ANKRD11: variants seen among roughly 807,000 people sequenced by gnomAD.
ANKRD11 encodes the protein ankyrin repeat domain 11.
ANKRD11 carries 17 observed loss-of-function variants against 195.7 expected under a neutral mutation model. The ratio of observed to expected loss-of-function variants is 0.09; its 90% CI spans 0.06 to 0.13. The LOEUF is 0.13. Ranked by LOEUF, ANKRD11 falls within the 10% of genes least tolerant of loss-of-function variation. ANKRD11 has a pLI of 1.00. For synonymous variants in ANKRD11, 1,953 were observed against 1,528.1 expected (o/e 1.28, Z -6.49); for missense variants, 3,735 against 3,566.1 (o/e 1.05, Z -1.21).
intron 2 of ANKRD11, among the ~76,000 whole-genome samples, chr16:89,398,130 CACT>C (rs2041527730): frequency 6.6e-6 from 1 of 151,566 alleles, no homozygotes; most frequent in African/African-American, 2.4e-5. Flanking sequence ...ACAAGAGGGA[CACT>C]GTGAAACAGC....
chr16:89,288,240 G>A, intron 7 of ANKRD11: 1 of 621,384 alleles, frequency 1.6e-6, no homozygotes, highest in South Asian at 1.9e-5. Context: ...CTTCCACTTG[G>A]TGTAATCCTT....
At chr16:89,423,397 T>C (rs2042592638) in intron 1 of ANKRD11, among the ~76,000 whole-genome samples, 1 of 152,222 alleles carries the variant, frequency 6.6e-6, no homozygotes, top group African/African-American at 2.4e-5. Flanking sequence ...AGGTCTGTCT[T>C]TTCCCTGCTT....
At position 89,436,837 on chromosome 16, in the gene ANKRD11, G is replaced by C. The variant is rs375964788; in HGVS notation, c.-144-18469C>G. Among the ~76,000 whole-genome samples the C allele has an allele frequency of 9.3e-4, 142 of 152,318 alleles. 1 individual carries two copies. Among genetic ancestry groups the C allele is most frequent in the African/African-American group, 3.3e-3 (137 of 41,572 alleles). ...GAACTGTTAGAGACCCCTGAAGGTT[G>C]GACAATGGTATTGCCGAAGCTTTGT... On this transcript the variant is annotated intron_variant, in intron 1 of 12. Coordinates refer to ENST00000301030, the MANE Select transcript of ANKRD11 (RefSeq NM_013275.6).
At position 89,477,194 on chromosome 16, in the gene ANKRD11, C is replaced by T. The variant is rs530185580; in HGVS notation, c.-145+13051G>A. Among the ~76,000 whole-genome samples the T allele has an allele frequency of 5.1e-3, 720 of 142,380 alleles. 9 individuals are homozygous for T. The highest frequency in any genetic ancestry group is 0.016 in the African/African-American group (606 of 39,004). The allele number at this position is 142,380 out of a possible 152,430, so 93.4% of individuals were successfully genotyped here. A position where few individuals can be genotyped will look rare whatever the true frequency, so the allele number is the denominator to read the frequency against. On this transcript the variant is annotated intron_variant, in intron 1 of 12. Transcript: ENST00000301030. ...AGCCATCACCTTTAAGTCATTTCCCCTTTTTTTTTTTTTTTGGAGACAGAG... is the reference window on the plus strand; with the variant it reads ...AGCCATCACCTTTAAGTCATTTCCCTTTTTTTTTTTTTTTTGGAGACAGAG...
intron 2 of ANKRD11, among the ~76,000 whole-genome samples, chr16:89,370,431 G>A (rs949856383): frequency 2.6e-5 from 4 of 152,142 alleles, no homozygotes; most frequent in East Asian, 1.9e-4. Context: ...CCCTCCTGCC[G>A]TTATCCAGGG....
chr16:89,389,237 C>G (rs2041064352), intron 2 of ANKRD11, among the ~76,000 whole-genome samples: 1 of 151,800 alleles, frequency 6.6e-6, no homozygotes, highest in Non-Finnish European at 1.5e-5. Context: ...GTTGCCCAGT[C>G]TGGTCTCAAA....
intron 1 of ANKRD11, among the ~76,000 whole-genome samples, chr16:89,452,649 A>G (rs913488550): frequency 3.2e-4 from 49 of 151,890 alleles, no homozygotes; most frequent in Non-Finnish European, 6.5e-4. Flanking sequence ...TGGTGGCGGG[A>G]GCCTGTAATC....
chr16:89,291,274 T>G lies in ANKRD11; in HGVS notation c.227-91A>C. 6.8e-7 allele frequency: 1 copy of G among 1,474,130 alleles called. No homozygotes were observed. The highest frequency in any genetic ancestry group is 9.3e-7 in the Non-Finnish European group (1 of 1,075,738). The allele number at this position is 1,474,130 out of a possible 1,614,324, so 91.3% of individuals were successfully genotyped here. ...CCTTACCTAATGTTACGGAGCCCCC[T>G]GCGTCCACCTGACAGCTGACAGAGC... On this transcript the variant is annotated intron_variant, in intron 4 of 12. Transcript: ENST00000301030. The surrounding 1 kb of genome is among the most constrained non-coding windows in gnomAD (Gnocchi z 5.3).
At chr16:89,304,642 GCACA>G (rs1172102925) in intron 4 of ANKRD11, among the ~76,000 whole-genome samples, 1 of 151,060 alleles carries the variant, frequency 6.6e-6, no homozygotes, top group Non-Finnish European at 1.5e-5. Context: ...ATGAGGGCAT[GCACA>G]CAGATACACG....
rs1443693803 is a variant in ANKRD11 at position 89,423,947 on chromosome 16, A to ACAG, written c.-144-5582_-144-5580dup. Among the ~76,000 whole-genome samples the ACAG allele has an allele frequency of 2.6e-5, 4 of 152,240 alleles. No individual in the cohort carries two copies. The East Asian group carries it at 7.7e-4, about 29-fold the overall frequency. On this transcript the variant is annotated intron_variant, in intron 1 of 12. Transcript: ENST00000301030. ...AATCAAAACTTAAGCGGGTAAGAGG[A>ACAG]CAGGGTACAACCTTGTAAGCGGGTA...
intron 2 of ANKRD11, chr16:89,323,375 C>G: frequency 7.8e-7 from 1 of 1,281,574 alleles, no homozygotes; most frequent in Non-Finnish European, 1.0e-6. Flanking sequence ...CTCTCACCAT[C>G]TCAGTGGGCA....
chr16:89,425,182 G>C (rs2042668425), intron 1 of ANKRD11, among the ~76,000 whole-genome samples: 1 of 151,868 alleles, frequency 6.6e-6, no homozygotes. Flanking sequence ...TAATCCCACA[G>C]AGTAGGTATC....
chr16:89,467,902 G>A (rs2056939620), intron 1 of ANKRD11, among the ~76,000 whole-genome samples: 1 of 152,080 alleles, frequency 6.6e-6, no homozygotes, highest in East Asian at 1.9e-4. Flanking sequence ...CCGGGTTCAA[G>A]TGTTTCTCTT....
intron 2 of ANKRD11, among the ~76,000 whole-genome samples, chr16:89,388,493 G>A (rs965503374): frequency 5.3e-5 from 8 of 151,992 alleles, no homozygotes; most frequent in South Asian, 2.1e-4. Context: ...CAAGATTTGC[G>A]TTTCCCTGTG....
chr16:89,334,918 C>A (rs942131360), intron 2 of ANKRD11, among the ~76,000 whole-genome samples: 2 of 152,194 alleles, frequency 1.3e-5, no homozygotes, highest in East Asian at 3.9e-4. Flanking sequence ...TGCATGAGGG[C>A]CCCATGGTGC....
At chr16:89,276,058 G>A (rs537684836) in intron 9 of ANKRD11, among the ~76,000 whole-genome samples, 42 of 152,332 alleles carry the variant, frequency 2.8e-4, no homozygotes, top group South Asian at 2.5e-3. Flanking sequence ...ATGGCAAGGC[G>A]GAGCCGGGTG....
rs537527956 is a variant in ANKRD11, at chr16:89,402,297, C to T, written c.-60+15987G>A. Among the ~76,000 whole-genome samples the T allele has an allele frequency of 2.0e-5, 3 of 152,288 alleles. No individual in the cohort carries two copies. The South Asian group carries it at 6.2e-4, about 32-fold the overall frequency. ...TCTTTGTAGAAAGAACGAGGCTTGTCTCAGCGATACTAATGTACAGTTCAC... is the reference window on the plus strand; with the variant it reads ...TCTTTGTAGAAAGAACGAGGCTTGTTTCAGCGATACTAATGTACAGTTCAC... On this transcript the variant is annotated intron_variant, in intron 2 of 12. Coordinates refer to ENST00000301030, the MANE Select transcript of ANKRD11 (RefSeq NM_013275.6).
chr16:89,328,588 T>C lies in ANKRD11; in HGVS notation c.-59-11510A>G, dbSNP rs12598953. On this transcript the variant is annotated intron_variant, in intron 2 of 12. Transcript: ENST00000301030. ...CTGAGTGAGTGGACACACCCAGGCG[T>C]ACGGGTGAATCTGCAGAGGCCCCTG... is the stretch of plus-strand genomic sequence containing the variant. Among the ~76,000 whole-genome samples the C allele has an allele frequency of 5.8e-3, 602 of 103,656 alleles. 3 individuals carry two copies. Among genetic ancestry groups the C allele is most frequent in the Middle Eastern group, 0.036 (4 of 110 alleles). 68.0% of individuals were successfully genotyped at this position (103,656 alleles called of 152,430 possible). A position where few individuals can be genotyped will look rare whatever the true frequency, so the allele number is the denominator to read the frequency against.
At chr16:89,458,724 T>C (rs2056540966) in intron 1 of ANKRD11, 1 of 152,234 alleles carries the variant, frequency 6.6e-6, no homozygotes, top group South Asian at 2.1e-4. Context: ...AATCCAAGCC[T>C]GCTTTGCCTT....
Sources: allele counts gnomAD v4.1 joint callset (sites outside exome capture counted in the v4.1 genomes callset), GRCh38; gene constraint gnomAD v4.1.1; non-coding constraint Gnocchi (gnomAD v3.1); transcripts MANE v1.5; gene names NCBI Gene and HGNC (gene_info 2026-07-23, HGNC 2026-07-21).